The following GLRA2 variants were observed in gnomAD, a reference collection of about 807,000 sequenced individuals.
The protein encoded by GLRA2 is glycine receptor alpha 2, also known as glycine receptor subunit alpha-2.
GLRA2 carries 11 observed loss-of-function variants against 31.6 expected under a neutral mutation model. That is an observed-to-expected ratio of 0.35 (90% CI 0.22 to 0.58). The LOEUF is 0.58. Among genes scored for constraint, GLRA2 ranks in the 20% least tolerant of loss-of-function variants. The probability of loss-of-function intolerance (pLI) is 0.84; values close to 1 mark genes in which losing one functional copy is unlikely to be tolerated. For missense variants in GLRA2, 212 were observed against 351.8 expected (o/e 0.60, Z 3.18); for synonymous variants, 132 against 134.0 (o/e 0.99, Z 0.10).
chrX:14,658,128 A>G (rs2090957529), intron 7 of GLRA2, among the ~76,000 whole-genome samples: 1 of 111,375 alleles, frequency 9.0e-6, no homozygotes, highest in African/African-American at 3.3e-5. Context: ...CTGAGAAATA[A>G]CCACTTATTT....
At chrX:14,698,188 G>A (rs1446749941) in intron 8 of GLRA2, among the ~76,000 whole-genome samples, 1 of 111,158 alleles carries the variant, frequency 9.0e-6, no homozygotes, top group Non-Finnish European at 1.9e-5. Context: ...TGGATTTTTT[G>A]TATTAATAAT....
rs1219749840 is a variant in GLRA2, at chrX:14,529,873, A to G, written c.-185A>G. 1 of 449,581 alleles carries G rather than the reference A, an allele frequency of 2.2e-6. No homozygotes were observed. The highest frequency in any genetic ancestry group is 3.9e-6 in the Non-Finnish European group (1 of 257,869). 37.1% of individuals were successfully genotyped at this position (449,581 alleles called of 1,213,427 possible). ...TCCCAAGCCTCGGTTTGACCTGACCATGATGCCCAGGACTGGCACTTTTTC... is the reference window on the plus strand; with the variant it reads ...TCCCAAGCCTCGGTTTGACCTGACCGTGATGCCCAGGACTGGCACTTTTTC... On this transcript the variant is annotated 5_prime_UTR_variant, in exon 1 of 9. It removes an upstream start codon present in the reference 5' UTR. Transcript: ENST00000218075.
chrX:14,587,916 TTTTTC>T (rs1252525663), intron 4 of GLRA2, among the ~76,000 whole-genome samples: 1 of 110,085 alleles, frequency 9.1e-6, no homozygotes, highest in East Asian at 2.8e-4. Context: ...TTTTTTTTTT[TTTTTC>T]TTTTGAGACA....
At chrX:14,456,389 T>C in the GLRA2 span, among the ~76,000 whole-genome samples, 3 of 111,065 alleles carry the variant, frequency 2.7e-5, no homozygotes, top group Admixed American at 2.9e-4. Context: ...TTCTAGCTAT[T>C]TGAATCTATA....
the GLRA2 span, among the ~76,000 whole-genome samples, chrX:14,473,363 C>G: frequency 8.9e-6 from 1 of 111,912 alleles, no homozygotes; most frequent in African/African-American, 3.2e-5. Flanking sequence ...TGTAGTGGTT[C>G]TTAGGTTTTG....
intron 7 of GLRA2, among the ~76,000 whole-genome samples, chrX:14,615,320 T>C (rs767718996): frequency 6.5e-4 from 73 of 112,018 alleles, no homozygotes; most frequent in Non-Finnish European, 1.1e-3. Flanking sequence ...CATCCATCCA[T>C]TTATTTATTC....
the GLRA2 span, among the ~76,000 whole-genome samples, chrX:14,483,231 C>T: frequency 8.9e-6 from 1 of 111,806 alleles, no homozygotes; most frequent in Non-Finnish European, 1.9e-5. Context: ...TCTTGTCACG[C>T]ACCCTTTGTT....
chrX:14,685,137 GAACCAGCCTTGCA>G, intron 7 of GLRA2, among the ~76,000 whole-genome samples: 1 of 111,793 alleles, frequency 8.9e-6, no homozygotes, highest in East Asian at 2.8e-4. Flanking sequence ...TGCATATGTT[GAACCAGCCTTGCA>G]TCCCAGGGAT....
At position 14,730,531 on chromosome X, in the gene GLRA2, T is replaced by C. The variant is rs372040848; in HGVS notation, c.*46T>C. ...GACCTTCTTGCCTCAGTGTTGTGCT[T>C]GTAAATACACAGTGAAATTGTCTTT... On this transcript the variant is annotated 3_prime_UTR_variant, in exon 9 of 9. Coordinates refer to ENST00000218075, the MANE Select transcript of GLRA2 (RefSeq NM_002063.4). 3.4e-5 allele frequency: 31 copies of C among 908,370 alleles called. No individual in the cohort carries two copies. In the African/African-American group the frequency reaches 6.2e-4, roughly 18 times the overall value. The allele number at this position is 908,370 out of a possible 1,213,427, so 74.9% of individuals were successfully genotyped here.
intron 7 of GLRA2, among the ~76,000 whole-genome samples, chrX:14,657,704 G>T (rs1206584641): frequency 2.7e-5 from 3 of 112,163 alleles, no homozygotes; most frequent in Admixed American, 9.4e-5. Context: ...CCATAGATTT[G>T]TGTCCCAATT....
the GLRA2 span, among the ~76,000 whole-genome samples, chrX:14,457,535 T>A: frequency 9.2e-6 from 1 of 109,134 alleles, no homozygotes; most frequent in South Asian, 3.8e-4. Flanking sequence ...GAACTCATCC[T>A]TTTTTATGGC....
chrX:14,720,026 T>C (rs1226475107), intron 8 of GLRA2, among the ~76,000 whole-genome samples: 3 of 111,504 alleles, frequency 2.7e-5, no homozygotes, highest in Non-Finnish European at 3.8e-5. Flanking sequence ...TAGTGGTTAC[T>C]AGAGGAAGAG....
intron 2 of GLRA2, among the ~76,000 whole-genome samples, chrX:14,536,964 T>A (rs2089333072): frequency 9.0e-6 from 1 of 111,653 alleles, no homozygotes; most frequent in Non-Finnish European, 1.9e-5. Context: ...GCAGTCATTT[T>A]AAAATGGCCT....
chrX:14,478,515 A>G, the GLRA2 span, among the ~76,000 whole-genome samples: 1 of 112,064 alleles, frequency 8.9e-6, no homozygotes, highest in African/African-American at 3.2e-5. Flanking sequence ...CTGTGTGCAT[A>G]CAATGTTACA....
Position 14,730,460 on chromosome X carries a change from G to A in GLRA2, c.1334G>A (p.Arg445Gln), listed in dbSNP as rs768735440. ...TACTGGATCACATACAAGATCATTC[G>A]GCATGAAGATGTCCACAAGAAATAG... ...IFYWITYKII[R>Q]HEDVHKK Residue 445 changes from arginine (R) to glutamine (Q), a missense_variant, in exon 9 of 9, where the codon CGG (arginine) becomes CAG (glutamine). This residue lies in a region of GLRA2 where 42 missense variants were observed against 52.0 expected (regional missense o/e 0.81). Transcript: ENST00000218075. 1.0e-5 allele frequency: 12 copies of A among 1,203,603 alleles called. No homozygotes were observed. The highest frequency in any genetic ancestry group is 4.4e-5 in the Admixed American group (2 of 45,349).
intron 7 of GLRA2, among the ~76,000 whole-genome samples, chrX:14,652,034 C>A (rs192202408): frequency 4.0e-4 from 44 of 111,362 alleles, no homozygotes; most frequent in African/African-American, 1.4e-3. Context: ...AATGAGAAAG[C>A]AGCCATTCAC....
intron 2 of GLRA2, among the ~76,000 whole-genome samples, chrX:14,558,867 C>A (rs755424498): frequency 1.5e-4 from 16 of 108,668 alleles, no homozygotes; most frequent in Non-Finnish European, 2.5e-4. Context: ...CTCTGTTGTC[C>A]AGGTTGGAGT....
At chrX:14,506,272 C>T in the GLRA2 span, among the ~76,000 whole-genome samples, 1 of 111,442 alleles carries the variant, frequency 9.0e-6, no homozygotes. Context: ...AACCCTGGAG[C>T]TTGGACAAGG....
chrX:14,539,516 A>G (rs752167728), intron 2 of GLRA2, among the ~76,000 whole-genome samples: 1 of 111,899 alleles, frequency 8.9e-6, no homozygotes, highest in East Asian at 2.8e-4. Context: ...TGTGCAGTAC[A>G]TGTAAGAACA....
Sources: gnomAD v4.1 joint callset for allele counts (sites outside exome capture counted in the v4.1 genomes callset) on GRCh38, gnomAD v4.1.1 for gene constraint, gnomAD v4.1.1 regional missense constraint, MANE v1.5 for transcripts, NCBI Gene and HGNC (gene_info 2026-07-23, HGNC 2026-07-21) for gene names.